The following FNDC3B variants were observed in gnomAD, a reference collection of about 807,000 sequenced individuals.
The protein encoded by FNDC3B is fibronectin type III domain-containing protein 3B.
In FNDC3B, 12 loss-of-function variants were observed where a neutral mutation model predicts 151.5. The ratio of observed to expected loss-of-function variants is 0.08; its 90% CI spans 0.05 to 0.13. The LOEUF (loss-of-function observed/expected upper bound fraction) is 0.13. Among genes scored for constraint, FNDC3B ranks in the 10% least tolerant of loss-of-function variants. The probability of loss-of-function intolerance (pLI) is 1.00; values close to 1 mark genes in which losing one functional copy is unlikely to be tolerated. For synonymous variants in FNDC3B, 528 were observed against 549.0 expected (o/e 0.96, Z 0.54); for missense variants, 1,214 against 1,505.3 (o/e 0.81, Z 3.20).
At chr3:172,208,412 C>G (rs1051930787) in intron 3 of FNDC3B, among the ~76,000 whole-genome samples, 1 of 152,128 alleles carries the variant, frequency 6.6e-6, no homozygotes, top group East Asian at 1.9e-4. Context: ...AGCCTTCTCC[C>G]AGAGGTTGAG....
intron 3 of FNDC3B, among the ~76,000 whole-genome samples, chr3:172,178,564 G>A (rs544323301): frequency 1.3e-5 from 2 of 152,256 alleles, no homozygotes; most frequent in Admixed American, 6.5e-5. Context: ...TTAAAGCTTG[G>A]CATTGGTTTA....
chr3:172,228,420 A>G (rs1726703784), intron 4 of FNDC3B, among the ~76,000 whole-genome samples: 2 of 152,230 alleles, frequency 1.3e-5, no homozygotes, highest in Non-Finnish European at 2.9e-5. Flanking sequence ...GGTCCATTTA[A>G]GAAATACCAG....
At chr3:172,093,208 G>T (rs546060255) in intron 1 of FNDC3B, among the ~76,000 whole-genome samples, 4 of 150,774 alleles carry the variant, frequency 2.7e-5, no homozygotes, top group African/African-American at 9.8e-5. Flanking sequence ...TAAACTCCTG[G>T]GTCCTTGACC....
chr3:172,386,748 GAAAAAAAAAAGAAAAAA>G (rs1735730307), intron 25 of FNDC3B, among the ~76,000 whole-genome samples: 4 of 51,700 alleles, frequency 7.7e-5, no homozygotes, highest in Admixed American at 2.1e-4. Flanking sequence ...CTCAAAAAAA[GAAAAAAAAAAGAAAAAA>G]AAAAAAAAAA....
intron 1 of FNDC3B, among the ~76,000 whole-genome samples, chr3:172,105,888 G>A (rs1259407864): frequency 6.6e-6 from 1 of 151,184 alleles, no homozygotes; most frequent in African/African-American, 2.4e-5. Flanking sequence ...TACTGTGTCT[G>A]TGACAATATA....
chr3:172,298,647 A>T, intron 8 of FNDC3B, 81 bp from the exon 9 acceptor site: 1 of 799,848 alleles, frequency 1.3e-6, no homozygotes, highest in Non-Finnish European at 2.1e-6. Context: ...TATTGTCAGT[A>T]CATTACTGGA....
chr3:172,282,882 C>T (rs73031319), intron 6 of FNDC3B, among the ~76,000 whole-genome samples: 14,766 of 152,300 alleles, frequency 0.097, 781 homozygotes, highest in African/African-American at 0.14. Context: ...TCAGTTTCCT[C>T]ATTTGTTCCT....
In FNDC3B at chr3:172,216,352, G is replaced by A. The variant is rs142761317; in HGVS notation, c.188-10519G>A. ...ATTAAAGATCAAAACAAAGAAAGAT[G>A]GGATCTTAGTATTCATTTAAATAAG... On this transcript the variant is annotated intron_variant, in intron 3 of 25. Transcript: ENST00000415807. 6.2e-4 allele frequency among the ~76,000 whole-genome samples: 94 copies of A among 152,240 alleles called. 1 individual carries two copies. In the East Asian group the frequency reaches 0.017, roughly 28 times the overall value.
At chr3:172,344,470 C>T (rs529987718) in intron 19 of FNDC3B, among the ~76,000 whole-genome samples, 1 of 152,224 alleles carries the variant, frequency 6.6e-6, no homozygotes, top group Admixed American at 6.5e-5. Flanking sequence ...TTCTTTTGTC[C>T]TCATATCATT....
chr3:172,071,351 A>G (rs1380301103), intron 1 of FNDC3B, among the ~76,000 whole-genome samples: 1 of 152,170 alleles, frequency 6.6e-6, no homozygotes, highest in Admixed American at 6.5e-5. Flanking sequence ...CAAGCAAAGT[A>G]TTTGCTAATT....
At chr3:172,353,918 T>C (rs913218066) in intron 22 of FNDC3B, among the ~76,000 whole-genome samples, 1 of 150,670 alleles carries the variant, frequency 6.6e-6, no homozygotes, top group African/African-American at 2.4e-5. Context: ...TTTAGACAGA[T>C]GGAAATTGAA....
intron 25 of FNDC3B, among the ~76,000 whole-genome samples, chr3:172,387,465 T>A (rs1319792535): frequency 6.6e-6 from 1 of 152,230 alleles, no homozygotes; most frequent in Non-Finnish European, 1.5e-5. Context: ...AATGAGGCTA[T>A]GACTGTCTCA....
intron 7 of FNDC3B, among the ~76,000 whole-genome samples, chr3:172,290,263 A>G (rs1222266455): frequency 6.6e-6 from 1 of 152,196 alleles, no homozygotes; most frequent in African/African-American, 2.4e-5. Context: ...GAATTGAGCA[A>G]GTCTTTTACT....
chr3:172,312,154 A>G lies in FNDC3B; in HGVS notation c.1254+1273A>G, dbSNP rs568286648. On this transcript the variant is annotated intron_variant, in intron 11 of 25. Coordinates refer to ENST00000415807, the MANE Select transcript of FNDC3B (RefSeq NM_022763.4). Reference sequence around the variant, plus strand: ...AAAATGAAAACTGGATGGAATTCCCATGATGAAATTTTGATGTGAAAGAGA... The same window carrying G: ...AAAATGAAAACTGGATGGAATTCCCGTGATGAAATTTTGATGTGAAAGAGA... Among the ~76,000 whole-genome samples, 5 of 152,366 alleles carry G rather than the reference A, an allele frequency of 3.3e-5. No individual in the cohort carries two copies. The South Asian group carries it at 8.3e-4, about 25-fold the overall frequency.
In FNDC3B at chr3:172,314,099, C is replaced by G. The variant is rs182482442; in HGVS notation, c.1254+3218C>G. On this transcript the variant is annotated intron_variant, in intron 11 of 25. Coordinates refer to ENST00000415807, the MANE Select transcript of FNDC3B (RefSeq NM_022763.4). ...TGGTAGTTTCTACAGCCAGGTGCAT[C>G]TCTTTGGTACCAGGACTGTTTCCAG... 1.4e-4 allele frequency among the ~76,000 whole-genome samples: 22 copies of G among 152,266 alleles called. No homozygotes were observed. In the East Asian group the frequency reaches 3.9e-3, roughly 27 times the overall value.
chr3:172,301,494 G>A (rs1309712752), intron 9 of FNDC3B, among the ~76,000 whole-genome samples: 2 of 152,154 alleles, frequency 1.3e-5, no homozygotes, highest in African/African-American at 2.4e-5. Flanking sequence ...GCCTCAAAAG[G>A]CCGTGTGGAA....
intron 6 of FNDC3B, among the ~76,000 whole-genome samples, chr3:172,260,594 T>C (rs1159062385): frequency 2.6e-5 from 4 of 152,212 alleles, no homozygotes; most frequent in Non-Finnish European, 5.9e-5. Flanking sequence ...GCCATTTTAT[T>C]ATAACCTCAG....
intron 1 of FNDC3B, among the ~76,000 whole-genome samples, chr3:172,070,384 T>C (rs1717709592): frequency 6.6e-6 from 1 of 152,180 alleles, no homozygotes; most frequent in Non-Finnish European, 1.5e-5. Flanking sequence ...TTCCGGAGTG[T>C]GTTAGCCAAT....
intron 23 of FNDC3B, among the ~76,000 whole-genome samples, chr3:172,374,181 A>G (rs1310292650): frequency 6.6e-6 from 1 of 152,218 alleles, no homozygotes. Flanking sequence ...TCTGAGGCCA[A>G]CATGGCAGCC....
Sources: gnomAD v4.1 joint callset for allele counts (sites outside exome capture counted in the v4.1 genomes callset) on GRCh38, gnomAD v4.1.1 for gene constraint, MANE v1.5 for transcripts, NCBI Gene and HGNC (gene_info 2026-07-23, HGNC 2026-07-21) for gene names.